Variants in TRDMT1 observed in about 807,000 individuals in gnomAD.
TRDMT1 encodes tRNA (cytosine(38)-C(5))-methyltransferase.
TRDMT1 carries 49 observed loss-of-function variants against 51.2 expected under a neutral mutation model. The ratio of observed to expected loss-of-function variants is 0.96; its 90% CI spans 0.76 to 1.21. The LOEUF (loss-of-function observed/expected upper bound fraction) is 1.21, where lower values mean the gene tolerates loss of function less well. Among genes scored for constraint, TRDMT1 ranks in the 50% most tolerant of loss-of-function variants. The pLI, the probability that TRDMT1 is intolerant of heterozygous loss-of-function variation, is 0.00. For synonymous variants in TRDMT1, 187 were observed against 164.6 expected (o/e 1.14, Z -1.04); for missense variants, 534 against 462.3 (o/e 1.16, Z -1.42).
intron 2 of TRDMT1, 85 bp from the exon 3 acceptor site, chr10:17,169,002 T>C: frequency 1.1e-6 from 1 of 877,368 alleles, no homozygotes; most frequent in Non-Finnish European, 1.7e-6. Context: ...TATAATTAAA[T>C]ATATCAGAAA....
chr10:17,150,982 A>T, intron 10 of TRDMT1: 4 of 985,108 alleles, frequency 4.1e-6, no homozygotes, highest in Non-Finnish European at 4.8e-6. Context: ...TAAGATTCGT[A>T]CAAATTATAT....
chr10:17,162,259 A>C lies in TRDMT1; in HGVS notation c.252-22T>G, dbSNP rs11254414. 0.14 allele frequency: 222,331 copies of C among 1,547,898 alleles called. 16,224 individuals are homozygous for C. Among genetic ancestry groups the C allele is most frequent in the Admixed American group, 0.19 (8,812 of 47,614 alleles). ...AATCCTAAAGGGGTAAAAAAAAAAAAAAACAAAAAAAAACACAGAAAGTTT... is the reference window on the plus strand; with the variant it reads ...AATCCTAAAGGGGTAAAAAAAAAAACAAACAAAAAAAAACACAGAAAGTTT... On this transcript the variant is annotated intron_variant, in intron 3 of 10. Coordinates refer to ENST00000377799, the MANE Select transcript of TRDMT1 (RefSeq NM_004412.7).
chr10:17,187,251 T>C (rs971782219), intron 1 of TRDMT1, among the ~76,000 whole-genome samples: 24 of 152,202 alleles, frequency 1.6e-4, no homozygotes, highest in Admixed American at 4.6e-4. Flanking sequence ...CTAATATTGC[T>C]AAAAATAAAA....
rs1240801276 is a variant in TRDMT1, at chr10:17,145,260, A to AACAAT, written c.*3779_*3780insATTGT. On this transcript the variant is annotated 3_prime_UTR_variant, in exon 11 of 11. Coordinates refer to ENST00000377799, the MANE Select transcript of TRDMT1 (RefSeq NM_004412.7). ...AGACTCAGTCTCAAAAACAAAACAA[A>AACAAT]ACAAAACAAAACAAAACAAAAAAAA... is the stretch of plus-strand genomic sequence containing the variant. 4.2e-6 allele frequency: 4 copies of AACAAT among 948,126 alleles called. No homozygotes were observed. Among genetic ancestry groups the AACAAT allele is most frequent in the African/African-American group, 1.8e-5 (1 of 54,722 alleles). The allele number at this position is 948,126 out of a possible 1,614,324, so 58.7% of individuals were successfully genotyped here.
In TRDMT1 at chr10:17,146,829, T is replaced by C; in HGVS notation, c.*2211A>G. On this transcript the variant is annotated 3_prime_UTR_variant, in exon 11 of 11. Coordinates refer to ENST00000377799, the MANE Select transcript of TRDMT1 (RefSeq NM_004412.7). ...ATTCCATAAAATAACATTTTCCAAA[T>C]TAATTATGCATACATATACATCTGC... The C allele has an allele frequency of 1.0e-6, 1 of 985,436 alleles. No homozygotes were observed. Among genetic ancestry groups the C allele is most frequent in the Non-Finnish European group, 1.2e-6 (1 of 829,896 alleles). The allele number at this position is 985,436 out of a possible 1,614,324, so 61.0% of individuals were successfully genotyped here. A position where few individuals can be genotyped will look rare whatever the true frequency, so the allele number is the denominator to read the frequency against.
At chr10:17,166,006 C>A (rs1374717932) in intron 3 of TRDMT1, among the ~76,000 whole-genome samples, 1 of 152,118 alleles carries the variant, frequency 6.6e-6, no homozygotes, top group African/African-American at 2.4e-5. Flanking sequence ...TTTGACCCTG[C>A]CATCCCATTA....
At chr10:17,191,172 A>G (rs1844632996) in intron 1 of TRDMT1, among the ~76,000 whole-genome samples, 1 of 152,202 alleles carries the variant, frequency 6.6e-6, no homozygotes, top group African/African-American at 2.4e-5. Context: ...GGACAGCCAC[A>G]GGAGATGTGG....
chr10:17,159,508 A>G (rs1323598813), intron 6 of TRDMT1, among the ~76,000 whole-genome samples: 3 of 152,180 alleles, frequency 2.0e-5, no homozygotes, highest in Non-Finnish European at 2.9e-5. Context: ...AAGACGTAGT[A>G]TAGATATTTT....
Position 17,153,598 on chromosome 10 carries a change from T to C in TRDMT1, c.984A>G (p.Gln328=). ...TTAACAGCTTTGTTATCTGTTCTTC[T>C]TGTGACAAATTGGTAAGGGATTTGT... The part of the protein sequence containing the change: ...NIYKSLTNLS[Q]EEQITKLLIL... Residue 328 remains glutamine (Q), a synonymous_variant, in exon 10 of 11, where the codon CAA becomes CAG. Transcript: ENST00000377799. The C allele has an allele frequency of 3.1e-6, 5 of 1,604,070 alleles. No homozygotes were observed. Among genetic ancestry groups the C allele is most frequent in the Non-Finnish European group, 4.3e-6 (5 of 1,176,210 alleles).
chr10:17,138,984 A>G lies in TRDMT1; in HGVS notation c.*10056T>C, dbSNP rs1003276293. ...ATGCACTGGAGGGTCTCGCATCATT[A>G]TAAGGATCAGCCATAGCAGAGGAGA... is the stretch of plus-strand genomic sequence containing the variant. On this transcript the variant is annotated 3_prime_UTR_variant, in exon 11 of 11. Coordinates refer to ENST00000377799, the MANE Select transcript of TRDMT1 (RefSeq NM_004412.7). Among the ~76,000 whole-genome samples, 2 of 152,200 alleles carry G rather than the reference A, an allele frequency of 1.3e-5. No individual in the cohort carries two copies. Among genetic ancestry groups the G allele is most frequent in the African/African-American group, 2.4e-5 (1 of 41,450 alleles).
chr10:17,137,468 T>C lies in TRDMT1; in HGVS notation c.*11572A>G, dbSNP rs1225621388. On this transcript the variant is annotated 3_prime_UTR_variant, in exon 11 of 11. Transcript: ENST00000377799. Reference sequence around the variant, plus strand: ...AAGATGGCACAGATACACAGTAGCATGCTGTTAAGTAAACAGCAGGTACCA... The same window carrying C: ...AAGATGGCACAGATACACAGTAGCACGCTGTTAAGTAAACAGCAGGTACCA... 3.3e-5 allele frequency: 5 copies of C among 152,222 alleles called. No homozygotes were observed. The highest frequency in any genetic ancestry group is 7.2e-5 in the African/African-American group (3 of 41,458). The allele number at this position is 152,222 out of a possible 1,614,324, so 9.4% of individuals were successfully genotyped here. A position where few individuals can be genotyped will look rare whatever the true frequency, so the allele number is the denominator to read the frequency against.
chr10:17,186,947 C>T (rs1285497765), intron 1 of TRDMT1, among the ~76,000 whole-genome samples: 4 of 152,304 alleles, frequency 2.6e-5, no homozygotes, highest in Non-Finnish European at 4.4e-5. Flanking sequence ...TTCATGGTCA[C>T]ATTAGAATAA....
At chr10:17,200,045 C>A (rs775486654) in intron 1 of TRDMT1, among the ~76,000 whole-genome samples, 2 of 152,278 alleles carry the variant, frequency 1.3e-5, no homozygotes, top group Admixed American at 1.3e-4. Context: ...AATTTGCTAT[C>A]CTCTCTCTCA....
At chr10:17,176,624 A>G (rs1451375820) in intron 1 of TRDMT1, among the ~76,000 whole-genome samples, 1 of 152,194 alleles carries the variant, frequency 6.6e-6, no homozygotes, top group African/African-American at 2.4e-5. Context: ...AGTTATTTCT[A>G]TTAAGAGAAA....
At position 17,143,068 on chromosome 10, in the gene TRDMT1, G is replaced by T; in HGVS notation, c.*5972C>A. 1.0e-6 allele frequency: 1 copy of T among 985,422 alleles called. No individual in the cohort carries two copies. The highest frequency in any genetic ancestry group is 1.2e-6 in the Non-Finnish European group (1 of 829,940). The allele number at this position is 985,422 out of a possible 1,614,324, so 61.0% of individuals were successfully genotyped here. The stretch of plus-strand genomic sequence containing the variant: ...ATTATTTTTTAAATCATGTGTTCCA[G>T]ACTTGAGTAACTTTGGCTGTTCCTC... On this transcript the variant is annotated 3_prime_UTR_variant, in exon 11 of 11. Coordinates refer to ENST00000377799, the MANE Select transcript of TRDMT1 (RefSeq NM_004412.7).
In TRDMT1 at chr10:17,147,892, C is replaced by T. The variant is rs531505752; in HGVS notation, c.*1148G>A. The T allele has an allele frequency of 1.5e-4, 99 of 676,358 alleles. No homozygotes were observed. In the South Asian group the frequency reaches 3.2e-3, roughly 22 times the overall value. The allele number at this position is 676,358 out of a possible 1,614,324, so 41.9% of individuals were successfully genotyped here. Reference sequence around the variant, plus strand: ...TGAATTTTGTGACGAACCTCCATAGCGTTTTCCAACAGCAGCTGAACCATT... The same window carrying T: ...TGAATTTTGTGACGAACCTCCATAGTGTTTTCCAACAGCAGCTGAACCATT... On this transcript the variant is annotated 3_prime_UTR_variant, in exon 11 of 11. Transcript: ENST00000377799.
intron 1 of TRDMT1, among the ~76,000 whole-genome samples, chr10:17,178,255 C>CA (rs1195209826): frequency 4.6e-5 from 7 of 152,128 alleles, no homozygotes; most frequent in Non-Finnish European, 7.3e-5. Flanking sequence ...TCCTTTCATT[C>CA]AAAGTGCTGG....
In TRDMT1 at chr10:17,144,925, T is replaced by C; in HGVS notation, c.*4115A>G. The C allele has an allele frequency of 1.0e-6, 1 of 985,328 alleles. No homozygotes were observed. The highest frequency in any genetic ancestry group is 1.2e-6 in the Non-Finnish European group (1 of 829,912). The allele number at this position is 985,328 out of a possible 1,614,324, so 61.0% of individuals were successfully genotyped here. A position where few individuals can be genotyped will look rare whatever the true frequency, so the allele number is the denominator to read the frequency against. ...ATGCAAACTGAAACTAAAGAACATGTGCAAGATGCTTAATGCCTTTTTAAA... is the reference window on the plus strand; with the variant it reads ...ATGCAAACTGAAACTAAAGAACATGCGCAAGATGCTTAATGCCTTTTTAAA... On this transcript the variant is annotated 3_prime_UTR_variant, in exon 11 of 11. Coordinates refer to ENST00000377799, the MANE Select transcript of TRDMT1 (RefSeq NM_004412.7).
chr10:17,156,592 G>A (rs1399471949), intron 8 of TRDMT1, among the ~76,000 whole-genome samples: 1 of 152,096 alleles, frequency 6.6e-6, no homozygotes, highest in Non-Finnish European at 1.5e-5. Context: ...AAATTAGTGA[G>A]AACTGTATTA....
Sources: allele counts gnomAD v4.1 joint callset (sites outside exome capture counted in the v4.1 genomes callset), GRCh38; gene constraint gnomAD v4.1.1; transcripts MANE v1.5; gene names NCBI Gene and HGNC (gene_info 2026-07-23, HGNC 2026-07-21).